The following NAE1 variants were observed in gnomAD, a reference collection of about 807,000 sequenced individuals.
The protein encoded by NAE1 is NEDD8-activating enzyme E1 regulatory subunit.
Under a neutral mutation model 88.0 loss-of-function variants are expected in NAE1, and 59 were observed. The ratio of observed to expected loss-of-function variants is 0.67; its 90% confidence interval spans 0.54 to 0.83. The LOEUF is 0.83. Among genes scored for constraint, NAE1 ranks in the 40% least tolerant of loss-of-function variants. The probability of loss-of-function intolerance (pLI) is 0.00; values close to 1 mark genes in which losing one functional copy is unlikely to be tolerated. For missense variants in NAE1, 554 were observed against 632.8 expected (o/e 0.88, Z 1.34); for synonymous variants, 186 against 208.9 (o/e 0.89, Z 0.95).
chr16:66,818,931 T>C (rs1390125238), intron 7 of NAE1, among the ~76,000 whole-genome samples: 1 of 152,208 alleles, frequency 6.6e-6, no homozygotes. Context: ...CCCAAAGTCC[T>C]TGCATTACAG....
chr16:66,821,175 A>AG lies in NAE1; in HGVS notation c.511+274dup, dbSNP rs563584737. Among the ~76,000 whole-genome samples the AG allele has an allele frequency of 2.2e-4, 33 of 152,330 alleles. No homozygotes were observed. The East Asian group carries it at 6.2e-3, about 28-fold the overall frequency. On this transcript the variant is annotated intron_variant, in intron 7 of 19. Coordinates refer to ENST00000290810, the MANE Select transcript of NAE1 (RefSeq NM_003905.4). ...CAGCCATACATGCCCAATGTGGGTTAGGGGGCAAAAGAAGCTGGGTACTTG... is the reference window on the plus strand; with the variant it reads ...CAGCCATACATGCCCAATGTGGGTTAGGGGGGCAAAAGAAGCTGGGTACTTG...
At chr16:66,810,810 A>C in intron 13 of NAE1, 38 bp from the exon 14 acceptor site, 1 of 1,577,178 alleles carries the variant, frequency 6.3e-7, no homozygotes, top group Admixed American at 1.7e-5. Flanking sequence ...ACAAATTTTT[A>C]AATTAGCAAA....
Position 66,830,938 on chromosome 16 carries a change from G to A in NAE1, c.-39C>T, listed in dbSNP as rs1295963734. The A allele has an allele frequency of 2.0e-6, 3 of 1,495,306 alleles. No homozygotes were observed. Among genetic ancestry groups the A allele is most frequent in the Admixed American group, 2.2e-5 (1 of 45,164 alleles). The allele number at this position is 1,495,306 out of a possible 1,614,324, so 92.6% of individuals were successfully genotyped here. On this transcript the variant is annotated 5_prime_UTR_variant, in exon 1 of 20. Coordinates refer to ENST00000290810, the MANE Select transcript of NAE1 (RefSeq NM_003905.4). ...GCGCGGAAAACAGCCGAGCCCCTGC[G>A]GAGCGCCGCCACCAGCTCCACAAGC...
At chr16:66,815,122 T>G (rs1959990915) in intron 11 of NAE1, among the ~76,000 whole-genome samples, 1 of 152,202 alleles carries the variant, frequency 6.6e-6, no homozygotes, top group Non-Finnish European at 1.5e-5. Flanking sequence ...TCTCTGACCC[T>G]TTGTTCTGCT....
At chr16:66,827,263 T>C (rs1055979905) in intron 1 of NAE1, among the ~76,000 whole-genome samples, 3 of 151,796 alleles carry the variant, frequency 2.0e-5, no homozygotes, top group African/African-American at 7.3e-5. Context: ...CCCTATTTCA[T>C]TTATTCTTAA....
In NAE1 at chr16:66,803,729, TAC is replaced by T. The variant is rs1261035017; in HGVS notation, c.1496-613_1496-612del. ...CCTCAGCCTCCCAAGTAGCTGGGAT[TAC>T]AGATGCCTGCCACCACACCTGGATA... On this transcript the variant is annotated intron_variant, in intron 19 of 19. Transcript: ENST00000290810. Among the ~76,000 whole-genome samples, 11 of 152,192 alleles carry T rather than the reference TAC, an allele frequency of 7.2e-5. No individual in the cohort carries two copies. The South Asian group carries it at 2.1e-3, about 29-fold the overall frequency.
At chr16:66,821,769 G>C (rs959624929) in intron 6 of NAE1, among the ~76,000 whole-genome samples, 11 of 152,184 alleles carry the variant, frequency 7.2e-5, no homozygotes, top group African/African-American at 2.4e-4. Context: ...TACATCTTTG[G>C]ACAAGAGGGA....
At chr16:66,829,387 A>G (rs1242662343) in intron 1 of NAE1, among the ~76,000 whole-genome samples, 1 of 152,220 alleles carries the variant, frequency 6.6e-6, no homozygotes, top group Non-Finnish European at 1.5e-5. Flanking sequence ...GCAGGATGTA[A>G]CTGAGTACCT....
At chr16:66,823,860 T>C (rs1960361097) in intron 4 of NAE1, among the ~76,000 whole-genome samples, 1 of 152,160 alleles carries the variant, frequency 6.6e-6, no homozygotes, top group Admixed American at 6.5e-5. Context: ...GCCTCCCAAG[T>C]AGGTGGGACT....
chr16:66,808,584 T>C lies in NAE1; in HGVS notation c.1267A>G (p.Ile423Val). ...ISSMDNPDNE[I>V]VLYLMLRAVD... Reference sequence around the variant, plus strand: ...GCCCGTAACATTAAGTACAACACTATTTCATTATCTGGATTGTCCATGCTA... The same window carrying C: ...GCCCGTAACATTAAGTACAACACTACTTCATTATCTGGATTGTCCATGCTA... The change falls in exon 17 of 20, where the codon ATA becomes GTA. Residue 423 changes from isoleucine (I) to valine (V), a missense_variant. Ile to Val is a conservative substitution (Grantham distance 29). Transcript: ENST00000290810. The C allele has an allele frequency of 2.5e-6, 4 of 1,607,632 alleles. No homozygotes were observed. Among genetic ancestry groups the C allele is most frequent in the Non-Finnish European group, 3.4e-6 (4 of 1,176,634 alleles).
intron 13 of NAE1, among the ~76,000 whole-genome samples, chr16:66,811,964 G>C (rs187393956): frequency 1.0e-3 from 159 of 152,192 alleles, no homozygotes; most frequent in African/African-American, 3.5e-3. Context: ...CAGCAGACCT[G>C]GATTCTTTGC....
chr16:66,810,780 A>T lies in NAE1; in HGVS notation c.1035-8T>A, dbSNP rs752293590. ...TTTGCTTTTTCACGGTAACTAAAAAAGAATAAAAAGCAATTACTAACAAAT... is the reference window on the plus strand; with the variant it reads ...TTTGCTTTTTCACGGTAACTAAAAATGAATAAAAAGCAATTACTAACAAAT... On this transcript the variant is annotated splice_region_variant and splice_polypyrimidine_tract_variant and intron_variant, in intron 13 of 19. Coordinates refer to ENST00000290810, the MANE Select transcript of NAE1 (RefSeq NM_003905.4). 1.8e-4 allele frequency: 285 copies of T among 1,611,648 alleles called. 1 individual carries two copies. Among genetic ancestry groups the T allele is most frequent in the Non-Finnish European group, 2.0e-5 (23 of 1,179,336 alleles).
At chr16:66,821,332 C>G (rs1324694650) in intron 7 of NAE1, 118 bp downstream of exon 7, 2 of 1,277,030 alleles carry the variant, frequency 1.6e-6, no homozygotes, top group Non-Finnish European at 2.0e-6. Flanking sequence ...GAATCTGCAA[C>G]TAGAGATGTG....
chr16:66,809,850 T>A (rs1381485887), intron 15 of NAE1, among the ~76,000 whole-genome samples: 1 of 152,090 alleles, frequency 6.6e-6, no homozygotes, highest in African/African-American at 2.4e-5. Context: ...CACAACAGAT[T>A]GGGTATTTTG....
chr16:66,808,893 T>C, intron 16 of NAE1, 96 bp downstream of exon 16: 5 of 755,336 alleles, frequency 6.6e-6, no homozygotes, highest in Non-Finnish European at 8.2e-6. Context: ...TTATCTTTAA[T>C]ATCATCACCA....
Position 66,809,095 on chromosome 16 carries a change from T to G in NAE1, c.1151-20A>C. The stretch of plus-strand genomic sequence containing the variant: ...TGCTGCCTGAACAGAGGAAAGATAT[T>G]CTGGAAGTAATGACTGTGACTGGTG... On this transcript the variant is annotated intron_variant, in intron 15 of 19. Transcript: ENST00000290810. 6 of 1,582,052 alleles carry G rather than the reference T, an allele frequency of 3.8e-6. No homozygotes were observed. The highest frequency in any genetic ancestry group is 5.2e-6 in the Non-Finnish European group (6 of 1,153,896).
At chr16:66,821,692 TTTACATAAGCAGGTCAAGA>T (rs1405155731) in intron 6 of NAE1, 133 bp from the exon 7 acceptor site, 17 of 678,856 alleles carry the variant, frequency 2.5e-5, no homozygotes, top group Non-Finnish European at 3.8e-5. Flanking sequence ...CATAACTGCA[TTTACATAAGCAGGTCAAGA>T]ACACACTGAA....
At chr16:66,812,240 T>C (rs1959830355) in intron 13 of NAE1, among the ~76,000 whole-genome samples, 1 of 152,220 alleles carries the variant, frequency 6.6e-6, no homozygotes, top group Admixed American at 6.5e-5. Flanking sequence ...TTACCAGCTA[T>C]CTGACCTTGT....
Position 66,810,362 on chromosome 16 carries a change from A to G in NAE1, c.1150+12T>C, listed in dbSNP as rs374534545. 7.6e-5 allele frequency: 120 copies of G among 1,580,934 alleles called. No individual in the cohort carries two copies. The highest frequency in any genetic ancestry group is 4.5e-5 in the East Asian group (2 of 44,704). On this transcript the variant is annotated intron_variant, in intron 15 of 19. Coordinates refer to ENST00000290810, the MANE Select transcript of NAE1 (RefSeq NM_003905.4). The stretch of plus-strand genomic sequence containing the variant: ...TCAAGCAAAATAAGGAAATTAATTC[A>G]AGGGGACTTACAGAGTAATTTTAAT...
Sources: allele counts gnomAD v4.1 joint callset (sites outside exome capture counted in the v4.1 genomes callset), GRCh38; gene constraint gnomAD v4.1.1; transcripts MANE v1.5; gene names NCBI Gene and HGNC (gene_info 2026-07-23, HGNC 2026-07-21).